Variants in SPAG1 observed in about 807,000 individuals in gnomAD.
The protein encoded by SPAG1 is sperm associated antigen 1, also known as sperm-associated antigen 1.
SPAG1 carries 69 observed loss-of-function variants against 100.5 expected under a neutral mutation model. That is an observed-to-expected ratio of 0.69 (90% CI 0.57 to 0.84). The LOEUF is 0.84. Among genes scored for constraint, SPAG1 ranks in the 40% least tolerant of loss-of-function variants. The probability of loss-of-function intolerance (pLI) is 0.00; values close to 1 mark genes in which losing one functional copy is unlikely to be tolerated. For synonymous variants in SPAG1, 336 were observed against 411.6 expected, an observed-to-expected ratio of 0.82 and a Z score of 2.22; for missense variants, 955 against 1,133.1, an observed-to-expected ratio of 0.84 and a Z score of 2.26.
intron 10 of SPAG1, among the ~76,000 whole-genome samples, chr8:100,201,014 T>G (rs1817254576): frequency 6.6e-6 from 1 of 152,188 alleles, no homozygotes; most frequent in Non-Finnish European, 1.5e-5. Context: ...CAGATTTTTT[T>G]TCTTTTGTTG....
chr8:100,208,580 C>T (rs545040403), intron 10 of SPAG1, among the ~76,000 whole-genome samples: 2 of 152,310 alleles, frequency 1.3e-5, no homozygotes, highest in Admixed American at 6.5e-5. Context: ...GCTATGACCA[C>T]GTGACCAGCT....
intron 6 of SPAG1, 28 bp downstream of exon 6, chr8:100,184,090 T>G (rs1458768865): frequency 2.9e-6 from 3 of 1,044,602 alleles, no homozygotes; most frequent in Non-Finnish European, 4.2e-6. Flanking sequence ...AATAATTTAG[T>G]AGTCTTTAAA....
chr8:100,183,914 C>T (rs1425802503), intron 5 of SPAG1, 42 bp from the exon 6 acceptor site: 4 of 895,982 alleles, frequency 4.5e-6, no homozygotes, highest in Non-Finnish European at 5.3e-6. Context: ...ATTTTCTTGC[C>T]TGTATTGTAC....
chr8:100,183,541 A>C (rs575760092), intron 5 of SPAG1, 105 bp downstream of exon 5: 4 of 572,830 alleles, frequency 7.0e-6, no homozygotes, highest in Non-Finnish European at 1.2e-5. Context: ...TAACATGTCA[A>C]GAATACCAAA....
intron 13 of SPAG1, among the ~76,000 whole-genome samples, chr8:100,221,545 A>C: frequency 6.6e-6 from 1 of 152,144 alleles, no homozygotes; most frequent in East Asian, 1.9e-4. Context: ...ACTGTACCCC[A>C]TGCTAGTCTA....
intron 9 of SPAG1, among the ~76,000 whole-genome samples, chr8:100,193,814 G>GT (rs1333646488): frequency 2.0e-5 from 3 of 152,172 alleles, no homozygotes; most frequent in Non-Finnish European, 4.4e-5. Flanking sequence ...GTACATCTCT[G>GT]TGGGTATATA....
In SPAG1 at chr8:100,223,118, T is replaced by C. The variant is rs150144294; in HGVS notation, c.1689-2055T>C. ...ACTTCATTGCTTTTTATGGCTAACA[T>C]TCCATTATATGCATGTATATATCAT... On this transcript the variant is annotated intron_variant, in intron 13 of 18. Coordinates refer to ENST00000388798, the MANE Select transcript of SPAG1 (RefSeq NM_003114.5). Among the ~76,000 whole-genome samples, 51 of 152,336 alleles carry C rather than the reference T, an allele frequency of 3.3e-4. 1 individual carries two copies. Among genetic ancestry groups the C allele is most frequent in the Middle Eastern group, 3.4e-3 (1 of 294 alleles).
chr8:100,204,144 G>A (rs977043330), intron 10 of SPAG1, among the ~76,000 whole-genome samples: 1 of 152,118 alleles, frequency 6.6e-6, no homozygotes, highest in Non-Finnish European at 1.5e-5. Flanking sequence ...ATCCTGCACT[G>A]CCTGACGCAA....
chr8:100,204,435 G>C (rs998511476), intron 10 of SPAG1, among the ~76,000 whole-genome samples: 5 of 152,058 alleles, frequency 3.3e-5, no homozygotes, highest in African/African-American at 1.2e-4. Flanking sequence ...AAAGAACATA[G>C]AGTTGGATCA....
intron 3 of SPAG1, among the ~76,000 whole-genome samples, chr8:100,174,151 A>G (rs906834802): frequency 2.6e-5 from 4 of 152,188 alleles, no homozygotes; most frequent in Non-Finnish European, 5.9e-5. Flanking sequence ...GACTCCCCCA[A>G]AACTTAACTA....
In SPAG1 at chr8:100,217,003, C is replaced by A. The variant is rs1362886688; in HGVS notation, c.1535+3085C>A. Among the ~76,000 whole-genome samples the A allele has an allele frequency of 2.1e-5, 3 of 140,290 alleles. No individual in the cohort carries two copies. The Admixed American group carries it at 2.2e-4, about 10-fold the overall frequency. 92.0% of individuals were successfully genotyped at this position (140,290 alleles called of 152,430 possible). A position where few individuals can be genotyped will look rare whatever the true frequency, so the allele number is the denominator to read the frequency against. ...CGAGGCTGGAGTGCAGTGGCGCAAT[C>A]TCAGCTCATTGCAACCTCTGCCTCC... On this transcript the variant is annotated intron_variant, in intron 12 of 18. Transcript: ENST00000388798.
chr8:100,223,424 T>A (rs1818368720), intron 13 of SPAG1, among the ~76,000 whole-genome samples: 1 of 152,172 alleles, frequency 6.6e-6, no homozygotes, highest in African/African-American at 2.4e-5. Context: ...TGGTTCTTGT[T>A]GATATTTTGT....
intron 12 of SPAG1, 122 bp from the exon 13 acceptor site, chr8:100,220,157 C>T: frequency 1.3e-6 from 1 of 769,082 alleles, no homozygotes; most frequent in Non-Finnish European, 2.0e-6. Flanking sequence ...GCCTGGTTCC[C>T]AAGACGAAGT....
At chr8:100,177,344 G>T (rs1015964424) in intron 3 of SPAG1, among the ~76,000 whole-genome samples, 1 of 152,054 alleles carries the variant, frequency 6.6e-6, no homozygotes, top group African/African-American at 2.4e-5. Flanking sequence ...ACAGGAGGTG[G>T]CTGTGAAATT....
chr8:100,179,199 A>G (rs1291707858), intron 4 of SPAG1, among the ~76,000 whole-genome samples: 1 of 152,116 alleles, frequency 6.6e-6, no homozygotes, highest in Non-Finnish European at 1.5e-5. Context: ...CCGGGCCAAC[A>G]TGGTGAAACC....
chr8:100,162,454 T>C (rs1384253927), intron 2 of SPAG1, 34 bp downstream of exon 2: 13 of 1,505,446 alleles, frequency 8.6e-6, no homozygotes, highest in South Asian at 1.3e-5. Context: ...TGTTTTAGTA[T>C]GACAGTTTTA....
intron 9 of SPAG1, 143 bp from the exon 10 acceptor site, chr8:100,193,969 A>G: frequency 3.2e-6 from 2 of 621,226 alleles, no homozygotes; most frequent in Non-Finnish European, 2.5e-6. Flanking sequence ...GTGGACATCT[A>G]TGATTACAAT....
Position 100,213,160 on chromosome 8 carries a change from G to T in SPAG1, c.1167G>T (p.Leu389=), listed in dbSNP as rs1227791552. 2 of 1,479,586 alleles carry T rather than the reference G, an allele frequency of 1.4e-6. No homozygotes were observed. The highest frequency in any genetic ancestry group is 1.5e-5 in the African/African-American group (1 of 68,372). The allele number at this position is 1,479,586 out of a possible 1,614,324, so 91.7% of individuals were successfully genotyped here. ...TCATGGGCAACATCCAGAAGAAGCTGACTGGCAAAGCCGAAGGCGGCAAGC... is the reference window on the plus strand; with the variant it reads ...TCATGGGCAACATCCAGAAGAAGCTTACTGGCAAAGCCGAAGGCGGCAAGC... ...PCVMGNIQKK[L]TGKAEGGKRP... is the part of the protein sequence containing the mutation. The change falls in exon 11 of 19, where the codon CTG becomes CTT. Residue 389 remains leucine (L), a synonymous_variant. Coordinates refer to ENST00000388798, the MANE Select transcript of SPAG1 (RefSeq NM_003114.5).
chr8:100,211,218 C>T (rs977985618), intron 10 of SPAG1, among the ~76,000 whole-genome samples: 1 of 152,194 alleles, frequency 6.6e-6, no homozygotes, highest in Non-Finnish European at 1.5e-5. Flanking sequence ...TGAACAGCTC[C>T]ATTGCATTGT....
Sources: allele counts gnomAD v4.1 joint callset (sites outside exome capture counted in the v4.1 genomes callset), GRCh38; gene constraint gnomAD v4.1.1; transcripts MANE v1.5; gene names NCBI Gene and HGNC (gene_info 2026-07-23, HGNC 2026-07-21).